The following PCDHA8 variants were observed in gnomAD, a reference collection of about 807,000 sequenced individuals.
PCDHA8 encodes the protein protocadherin alpha 8, also known as protocadherin alpha-8.
In PCDHA8, 53 loss-of-function variants were observed where a neutral mutation model predicts 61.8. The observed-to-expected ratio is 0.86, with a 90% CI of 0.69 to 1.08. PCDHA8 has a LOEUF of 1.08. Among genes scored for constraint, PCDHA8 ranks in the 50% least tolerant of loss-of-function variants. PCDHA8 has a pLI of 0.00. For missense variants in PCDHA8, 1,293 were observed against 1,245.0 expected (o/e 1.04, Z -0.58); for synonymous variants, 618 against 556.6 (o/e 1.11, Z -1.55).
intron 1 of PCDHA8, among the ~76,000 whole-genome samples, chr5:140,910,738 C>G (rs2075147470): frequency 6.6e-6 from 1 of 152,098 alleles, no homozygotes; most frequent in Non-Finnish European, 1.5e-5. Context: ...GCTAACCAAG[C>G]ACATAAATTA....
At chr5:140,851,713 T>C in intron 1 of PCDHA8, 1 of 961,328 alleles carries the variant, frequency 1.0e-6, no homozygotes, top group Non-Finnish European at 1.3e-6. Context: ...ATGTGAAGAT[T>C]CGAAACTTCG....
intron 1 of PCDHA8, chr5:140,856,597 C>CA: frequency 1.3e-6 from 2 of 1,597,412 alleles, no homozygotes; most frequent in Non-Finnish European, 1.7e-6. Context: ...ATATTATAAA[C>CA]AAAAAAGACA....
chr5:140,852,107 A>T, intron 1 of PCDHA8: 1 of 907,274 alleles, frequency 1.1e-6, no homozygotes, highest in East Asian at 1.2e-4. Context: ...ATATTTTACA[A>T]GGTATGACCT....
intron 3 of PCDHA8, among the ~76,000 whole-genome samples, chr5:141,005,783 C>T (rs79683532): frequency 0.097 from 14,322 of 148,270 alleles, 898 homozygotes; most frequent in African/African-American, 0.18. Context: ...TGTAAAGATC[C>T]TGAGGCAAAA....
intron 1 of PCDHA8, among the ~76,000 whole-genome samples, chr5:140,899,817 T>C (rs1360189018): frequency 6.6e-6 from 1 of 152,178 alleles, no homozygotes; most frequent in East Asian, 1.9e-4. Flanking sequence ...TTGTTTTGTT[T>C]TTCCTTTTTG....
intron 3 of PCDHA8, among the ~76,000 whole-genome samples, chr5:141,005,731 A>AC (rs2098235322): frequency 6.7e-6 from 1 of 149,106 alleles, no homozygotes; most frequent in Non-Finnish European, 1.5e-5. Flanking sequence ...AAAAAAAAAA[A>AC]GAATGGATGA....
chr5:140,938,765 AC>A (rs1309568560), intron 1 of PCDHA8, among the ~76,000 whole-genome samples: 1 of 152,182 alleles, frequency 6.6e-6, no homozygotes, highest in Non-Finnish European at 1.5e-5. Context: ...GTTATTGGGT[AC>A]TAGACTTAGT....
At position 140,849,164 on chromosome 5, in the gene PCDHA8, T is replaced by G. The variant is rs2150431781; in HGVS notation, c.2394+5449T>G. 3.3e-5 allele frequency: 39 copies of G among 1,167,302 alleles called. 1 individual carries two copies. The highest frequency in any genetic ancestry group is 4.4e-5 in the Non-Finnish European group (37 of 840,698). The allele number at this position is 1,167,302 out of a possible 1,614,324, so 72.3% of individuals were successfully genotyped here. On this transcript the variant is annotated intron_variant, in intron 1 of 3. Coordinates refer to ENST00000531613, the MANE Select transcript of PCDHA8 (RefSeq NM_018911.3). The stretch of plus-strand genomic sequence containing the variant: ...CCGATGGAGGCAAACCCGAGCTGAC[T>G]GGCACCGTTCAATTACTCATCACGG...
intron 1 of PCDHA8, among the ~76,000 whole-genome samples, chr5:140,955,510 T>G (rs1554221967): frequency 6.6e-6 from 1 of 152,154 alleles, no homozygotes; most frequent in Non-Finnish European, 1.5e-5. Context: ...AAAGACGTGT[T>G]TGCTTTCCCT....
At chr5:140,996,082 T>A (rs782553216) in intron 3 of PCDHA8, among the ~76,000 whole-genome samples, 6 of 152,248 alleles carry the variant, frequency 3.9e-5, no homozygotes, top group Non-Finnish European at 7.3e-5. Context: ...AAGATGTTTT[T>A]GCTAGATTAC....
intron 1 of PCDHA8, chr5:140,929,584 A>T: frequency 2.3e-6 from 1 of 433,584 alleles, no homozygotes; most frequent in Non-Finnish European, 4.1e-6. Context: ...GTAATATGAC[A>T]TAAAGGTCTA....
chr5:140,933,694 C>T (rs782754431), intron 1 of PCDHA8, among the ~76,000 whole-genome samples: 8 of 151,858 alleles, frequency 5.3e-5, no homozygotes, highest in South Asian at 4.1e-4. Flanking sequence ...TCCTATTCCT[C>T]GGACACATTT....
intron 3 of PCDHA8, among the ~76,000 whole-genome samples, chr5:141,000,558 G>C (rs1462892656): frequency 6.7e-6 from 1 of 149,136 alleles, no homozygotes; most frequent in African/African-American, 2.5e-5. Context: ...CTCCCGAGTA[G>C]CTGGGATTAC....
At chr5:140,986,372 G>T (rs570215048) in intron 3 of PCDHA8, among the ~76,000 whole-genome samples, 10 of 152,248 alleles carry the variant, frequency 6.6e-5, no homozygotes, top group African/African-American at 1.2e-4. Flanking sequence ...ATGCGTTTTG[G>T]GGGGAGGGAC....
chr5:140,855,892 G>A, intron 1 of PCDHA8: 3 of 1,011,396 alleles, frequency 3.0e-6, no homozygotes, highest in Non-Finnish European at 4.3e-6. Context: ...TAGAACAAAG[G>A]CATCAGCCAG....
chr5:140,982,545 G>C lies in PCDHA8; in HGVS notation c.2524G>C (p.Val842Leu), dbSNP rs782544627. The change falls in exon 3 of 4, where the codon GTA becomes CTA. Residue 842 changes from valine (V) to leucine (L), a missense_variant. Val to Leu is a conservative substitution (Grantham distance 32). Transcript: ENST00000531613. The stretch of plus-strand genomic sequence containing the variant: ...AGGGCCTGATCAGCAGTGGCCAACA[G>C]TATCCAGTGCAACACCAGGTAAAGA... ...PGGPDQQWPT[V>L]SSATPEPEAG... The C allele has an allele frequency of 6.2e-6, 10 of 1,614,088 alleles. No individual in the cohort carries two copies. The East Asian group carries it at 2.2e-4, about 36-fold the overall frequency.
intron 1 of PCDHA8, chr5:140,857,752 C>A: frequency 6.3e-7 from 1 of 1,597,166 alleles, no homozygotes; most frequent in Non-Finnish European, 8.6e-7. Flanking sequence ...TGGCGTCTCC[C>A]GCTGGCAGCG....
At position 140,853,586 on chromosome 5, in the gene PCDHA8, A is replaced by T; in HGVS notation, c.2394+9871A>T. 4 of 985,384 alleles carry T rather than the reference A, an allele frequency of 4.1e-6. 1 individual carries two copies. Among genetic ancestry groups the T allele is most frequent in the Non-Finnish European group, 4.9e-6 (4 of 817,556 alleles). 61.0% of individuals were successfully genotyped at this position (985,384 alleles called of 1,614,324 possible). ...ACTAAGTTGTCACCCAATATCTTAG[A>T]CACTTTGAGAGCAAAGGGGGTGCTG... is the stretch of plus-strand genomic sequence containing the variant. On this transcript the variant is annotated intron_variant, in intron 1 of 3. Transcript: ENST00000531613.
rs547015879 is a variant in PCDHA8 at position 140,902,341 on chromosome 5, G to A, written c.2394+58626G>A. 1.8e-3 allele frequency among the ~76,000 whole-genome samples: 276 copies of A among 151,446 alleles called. 1 individual carries two copies. The highest frequency in any genetic ancestry group is 3.7e-3 in the Non-Finnish European group (250 of 67,812). The stretch of plus-strand genomic sequence containing the variant: ...GTGTAACTCACTTCGCCTGGCCTAG[G>A]AAGCCCTTTATTTCTTTCTCTTGTC... On this transcript the variant is annotated intron_variant, in intron 1 of 3. Transcript: ENST00000531613.
Sources: allele counts gnomAD v4.1 joint callset (sites outside exome capture counted in the v4.1 genomes callset), GRCh38; gene constraint gnomAD v4.1.1; transcripts MANE v1.5; gene names NCBI Gene and HGNC (gene_info 2026-07-23, HGNC 2026-07-21).